The following MGAT5 variants were observed in gnomAD, a reference collection of about 807,000 sequenced individuals.
MGAT5 encodes the protein alpha-1,6-mannosylglycoprotein 6-beta-N-acetylglucosaminyltransferase.
Under a neutral mutation model 94.3 loss-of-function variants are expected in MGAT5, and 30 were observed. The ratio of observed to expected loss-of-function variants is 0.32; its 90% CI spans 0.24 to 0.43. The LOEUF is 0.43. Among genes scored for constraint, MGAT5 ranks in the 20% least tolerant of loss-of-function variants. The pLI, the probability that MGAT5 is intolerant of heterozygous loss-of-function variation, is 1.00. For missense variants in MGAT5, 691 were observed against 905.5 expected (o/e 0.76, Z 3.04); for synonymous variants, 310 against 322.9 (o/e 0.96, Z 0.43).
At chr2:134,257,880 T>G (rs1001026499) in intron 1 of MGAT5, among the ~76,000 whole-genome samples, 8 of 148,134 alleles carry the variant, frequency 5.4e-5, no homozygotes, top group Non-Finnish European at 8.9e-5. Context: ...CTATGTGCAG[T>G]GCATTGCCTA....
intron 1 of MGAT5, among the ~76,000 whole-genome samples, chr2:134,204,460 T>TA (rs1459763271): frequency 6.6e-6 from 1 of 152,060 alleles, no homozygotes; most frequent in African/African-American, 2.4e-5. Context: ...GTCCTGGGGT[T>TA]AAGTGAGGGC....
chr2:134,232,089 C>G (rs1021084138), intron 1 of MGAT5, among the ~76,000 whole-genome samples: 1 of 150,586 alleles, frequency 6.6e-6, no homozygotes, highest in Non-Finnish European at 1.5e-5. Flanking sequence ...TATACTCCTC[C>G]TCCTCCTCCT....
chr2:134,256,935 G>A (rs1683001027), intron 1 of MGAT5, among the ~76,000 whole-genome samples: 1 of 152,138 alleles, frequency 6.6e-6, no homozygotes, highest in Non-Finnish European at 1.5e-5. Context: ...GTATGTGCTT[G>A]AGGTACTGGG....
rs1284960303 is a variant in MGAT5, at chr2:134,270,364, TTGTC to T, written c.242-19_242-16del. 1 of 1,609,864 alleles carries T rather than the reference TTGTC, an allele frequency of 6.2e-7. No homozygotes were observed. Among genetic ancestry groups the T allele is most frequent in the Admixed American group, 1.7e-5 (1 of 59,662 alleles). On this transcript the variant is annotated intron_variant, in intron 1 of 15. Coordinates refer to ENST00000281923, the MANE Select transcript of MGAT5 (RefSeq NM_002410.5). ...ATGTAGAGGCCATAGAATTTTAAAA[TTGTC>T]TGCACTTTCTTTTACAGATCTGAAG...
At position 134,448,860 on chromosome 2, in the gene MGAT5, C is replaced by G. The variant is rs900618203; in HGVS notation, c.*13C>G. 3.7e-6 allele frequency: 6 copies of G among 1,609,694 alleles called. No homozygotes were observed. The African/African-American group carries it at 8.0e-5, about 22-fold the overall frequency. ...AGACTGCCTATAGCAGCTACCTGCT[C>G]AGCCCTGCACCATGCTGCTGGGGAA... is the stretch of plus-strand genomic sequence containing the variant. On this transcript the variant is annotated 3_prime_UTR_variant, in exon 16 of 16. Coordinates refer to ENST00000281923, the MANE Select transcript of MGAT5 (RefSeq NM_002410.5).
chr2:134,381,475 A>C (rs1287598116), intron 10 of MGAT5, among the ~76,000 whole-genome samples: 3 of 151,152 alleles, frequency 2.0e-5, no homozygotes, highest in African/African-American at 7.3e-5. Flanking sequence ...GTAGGTAGGT[A>C]GGTAGAGAAA....
At chr2:134,437,154 A>T (rs935689747) in intron 14 of MGAT5, among the ~76,000 whole-genome samples, 3 of 151,900 alleles carry the variant, frequency 2.0e-5, no homozygotes, top group Non-Finnish European at 4.4e-5. Context: ...ATGCCTAGCA[A>T]TTTTTTTGGA....
chr2:134,440,800 C>T (rs1009668662), intron 14 of MGAT5, among the ~76,000 whole-genome samples: 4 of 152,192 alleles, frequency 2.6e-5, no homozygotes, highest in Admixed American at 1.3e-4. Context: ...ACGATTTTCA[C>T]TTCGCAAATG....
At chr2:134,273,642 G>T (rs1389748945) in intron 2 of MGAT5, among the ~76,000 whole-genome samples, 2 of 151,998 alleles carry the variant, frequency 1.3e-5, no homozygotes, top group Admixed American at 6.6e-5. Context: ...GTGTGTGTGT[G>T]TGTCTGTGTG....
chr2:134,201,894 T>C (rs1010305065), intron 1 of MGAT5, among the ~76,000 whole-genome samples: 3 of 149,160 alleles, frequency 2.0e-5, no homozygotes, highest in African/African-American at 7.5e-5. Context: ...GCACTCTGGC[T>C]TGAAAGGCTC....
chr2:134,188,357 G>C (rs1257173), intron 1 of MGAT5, among the ~76,000 whole-genome samples: 7,191 of 152,244 alleles, frequency 0.047, 243 homozygotes, highest in Non-Finnish European at 0.062. Flanking sequence ...CTTTTTCTTT[G>C]AATCCTGGCC....
chr2:134,324,040 GA>G (rs1409606180), intron 4 of MGAT5, among the ~76,000 whole-genome samples: 1 of 152,100 alleles, frequency 6.6e-6, no homozygotes, highest in Non-Finnish European at 1.5e-5. Context: ...AATTTAGAAT[GA>G]ATTTCTTCAT....
intron 9 of MGAT5, among the ~76,000 whole-genome samples, chr2:134,354,656 G>C (rs75380988): frequency 0.015 from 2,295 of 152,242 alleles, 59 homozygotes; most frequent in African/African-American, 0.052. Context: ...ATCGTCGTCA[G>C]GTGTTCTCTT....
intron 2 of MGAT5, among the ~76,000 whole-genome samples, chr2:134,282,646 C>A (rs1161636194): frequency 6.6e-6 from 1 of 152,242 alleles, no homozygotes; most frequent in African/African-American, 2.4e-5. Context: ...GCAAAACCAT[C>A]TCTTCTTTCT....
intron 1 of MGAT5, among the ~76,000 whole-genome samples, chr2:134,138,117 A>G (rs967494976): frequency 6.6e-6 from 1 of 151,866 alleles, no homozygotes; most frequent in African/African-American, 2.4e-5. Flanking sequence ...CAGCCTCCCA[A>G]AGTCCTGGGA....
At chr2:134,306,612 A>G (rs995070218) in intron 2 of MGAT5, among the ~76,000 whole-genome samples, 1 of 152,250 alleles carries the variant, frequency 6.6e-6, no homozygotes. Flanking sequence ...TATCTTTTTC[A>G]AAATCCCATA....
intron 2 of MGAT5, among the ~76,000 whole-genome samples, chr2:134,292,027 AT>A (rs371113334): frequency 0.018 from 2,660 of 148,482 alleles, 89 homozygotes; most frequent in African/African-American, 0.062. Context: ...TGATTATACC[AT>A]TTTTTTTTTG....
chr2:134,263,465 G>T (rs1375674546), intron 1 of MGAT5, among the ~76,000 whole-genome samples: 1 of 152,216 alleles, frequency 6.6e-6, no homozygotes, highest in Non-Finnish European at 1.5e-5. Flanking sequence ...AGAAGAGAAG[G>T]CTAGTCAGTG....
chr2:134,166,990 T>C (rs1369162119), intron 1 of MGAT5, among the ~76,000 whole-genome samples: 1 of 152,232 alleles, frequency 6.6e-6, no homozygotes, highest in East Asian at 1.9e-4. Context: ...AATTTGATCC[T>C]GGGTTCTGTG....
Sources: allele counts gnomAD v4.1 joint callset (sites outside exome capture counted in the v4.1 genomes callset), GRCh38; gene constraint gnomAD v4.1.1; transcripts MANE v1.5; gene names NCBI Gene and HGNC (gene_info 2026-07-23, HGNC 2026-07-21).